The following EYS variants were observed in gnomAD, a reference collection of about 807,000 sequenced individuals.
The protein encoded by EYS is EGF-like photoreceptor maintenance factor, also known as protein eyes shut homolog.
Under a neutral mutation model 282.1 loss-of-function variants are expected in EYS, and 250 were observed. That is an observed-to-expected ratio of 0.89 (90% CI 0.80 to 0.98). The LOEUF (loss-of-function observed/expected upper bound fraction) is 0.98. EYS is among the 50% of genes least tolerant of loss of function. The pLI, the probability that EYS is intolerant of heterozygous loss-of-function variation, is 0.00. For missense variants in EYS, 4,016 were observed against 3,709.0 expected, an observed-to-expected ratio of 1.08 and a Z score of -2.15; for synonymous variants, 1,355 against 1,282.9, an observed-to-expected ratio of 1.06 and a Z score of -1.20.
At chr6:65,238,091 T>C in intron 12 of EYS, among the ~76,000 whole-genome samples, 1 of 151,874 alleles carries the variant, frequency 6.6e-6, no homozygotes, top group African/African-American at 2.4e-5. Context: ...TTACCAAAGT[T>C]TGATTTCAGA....
intron 22 of EYS, among the ~76,000 whole-genome samples, chr6:64,718,794 T>A (rs1179373484): frequency 6.6e-6 from 1 of 152,352 alleles, no homozygotes; most frequent in South Asian, 2.1e-4. Context: ...TGCCATGCAA[T>A]ATCATAGTAC....
chr6:65,264,942 CAA>C (rs1767712374), intron 12 of EYS, among the ~76,000 whole-genome samples: 1 of 151,478 alleles, frequency 6.6e-6, no homozygotes, highest in African/African-American at 2.4e-5. Flanking sequence ...TATTTATAAA[CAA>C]TATTCTATTG....
At chr6:64,112,066 A>G (rs956833248) in intron 31 of EYS, among the ~76,000 whole-genome samples, 2 of 152,014 alleles carry the variant, frequency 1.3e-5, no homozygotes, top group African/African-American at 4.8e-5. Flanking sequence ...CATCCCTTAC[A>G]TTACTTTTCT....
Position 64,839,392 on chromosome 6 carries a change from A to G in EYS, c.2993-16570T>C, listed in dbSNP as rs546656863. 1.1e-4 allele frequency among the ~76,000 whole-genome samples: 16 copies of G among 152,196 alleles called. No individual in the cohort carries two copies. The East Asian group carries it at 2.1e-3, about 20-fold the overall frequency. ...TTACATGGTCTTTCAGATTTTGTGT[A>G]CTGTGACTCTAATACATTTTACTTC... is the stretch of plus-strand genomic sequence containing the variant. On this transcript the variant is annotated intron_variant, in intron 19 of 42. Transcript: ENST00000503581.
At chr6:64,286,809 A>G (rs1300332243) in intron 30 of EYS, among the ~76,000 whole-genome samples, 1 of 152,190 alleles carries the variant, frequency 6.6e-6, no homozygotes, top group Non-Finnish European at 1.5e-5. Flanking sequence ...TAATATTTTC[A>G]TACTTATATA....
intron 2 of EYS, among the ~76,000 whole-genome samples, chr6:65,536,888 G>A (rs1466672743): frequency 6.6e-6 from 1 of 152,000 alleles, no homozygotes; most frequent in Non-Finnish European, 1.5e-5. Context: ...ATCACAATTG[G>A]ACTTTTTTCA....
intron 1 of EYS, among the ~76,000 whole-genome samples, chr6:65,682,841 T>C (rs1768884289): frequency 6.6e-6 from 1 of 151,914 alleles, no homozygotes; most frequent in Non-Finnish European, 1.5e-5. Flanking sequence ...AAAATGGCTT[T>C]AATATGGAGT....
chr6:65,653,159 C>G (rs1582566265), intron 1 of EYS, among the ~76,000 whole-genome samples: 1 of 151,916 alleles, frequency 6.6e-6, no homozygotes, highest in East Asian at 1.9e-4. Flanking sequence ...CCTGTGTTTT[C>G]TATTTCTTCA....
At chr6:65,661,623 AT>A (rs1768004294) in intron 1 of EYS, among the ~76,000 whole-genome samples, 1 of 152,054 alleles carries the variant, frequency 6.6e-6, no homozygotes, top group South Asian at 2.1e-4. Context: ...TATTTCCATG[AT>A]TTAGTTACAG....
chr6:64,591,002 G>T lies in EYS; in HGVS notation c.4865C>A (p.Ala1622Glu), dbSNP rs777505665. 1.3e-6 allele frequency: 2 copies of T among 1,551,314 alleles called. No individual in the cohort carries two copies. Among genetic ancestry groups the T allele is most frequent in the South Asian group, 2.4e-5 (2 of 84,056 alleles). Residue 1622 changes from alanine (A) to glutamate (E), a missense_variant, in exon 26 of 43, where the codon GCA becomes GAA. Coordinates refer to ENST00000503581, the MANE Select transcript of EYS (RefSeq NM_001142800.2). ...SSATEITPSV[A>E]FTEVPSLFPS... ...AAATAAAGATGGCACTTCTGTGAATGCCACTGATGGTGTTATTTCAGTAGC... is the reference window on the plus strand; with the variant it reads ...AAATAAAGATGGCACTTCTGTGAATTCCACTGATGGTGTTATTTCAGTAGC...
intron 13 of EYS, among the ~76,000 whole-genome samples, chr6:65,026,200 C>T (rs1561927879): frequency 6.6e-6 from 1 of 152,222 alleles, no homozygotes; most frequent in East Asian, 1.9e-4. Flanking sequence ...ACTCTATCCA[C>T]TGTTAGTTTC....
At chr6:65,285,080 T>C (rs1000477474) in intron 12 of EYS, among the ~76,000 whole-genome samples, 5 of 151,992 alleles carry the variant, frequency 3.3e-5, no homozygotes, top group African/African-American at 1.2e-4. Context: ...GAATGACATG[T>C]AATGGAAGCT....
intron 12 of EYS, among the ~76,000 whole-genome samples, chr6:65,182,987 C>T (rs1765429476): frequency 1.3e-5 from 2 of 151,736 alleles, no homozygotes; most frequent in Non-Finnish European, 2.9e-5. Flanking sequence ...GACAGGATTT[C>T]CTCATGTTGC....
At chr6:64,686,179 A>C (rs1246112715) in intron 22 of EYS, among the ~76,000 whole-genome samples, 1 of 152,062 alleles carries the variant, frequency 6.6e-6, no homozygotes, top group Non-Finnish European at 1.5e-5. Context: ...TGAGAAAATA[A>C]GAAAAATTTA....
chr6:64,653,442 T>C (rs1255947379), intron 22 of EYS, among the ~76,000 whole-genome samples: 1 of 152,228 alleles, frequency 6.6e-6, no homozygotes, highest in East Asian at 1.9e-4. Flanking sequence ...TTATTGGGAA[T>C]ATATTAGGCG....
chr6:63,842,848 A>G (rs1023287704), intron 36 of EYS, among the ~76,000 whole-genome samples: 2 of 152,198 alleles, frequency 1.3e-5, no homozygotes, highest in African/African-American at 4.8e-5. Flanking sequence ...TCCCAACACC[A>G]TTTATTAAAT....
At chr6:63,785,188 G>A (rs1770331123) in intron 39 of EYS, among the ~76,000 whole-genome samples, 1 of 152,190 alleles carries the variant, frequency 6.6e-6, no homozygotes, top group Non-Finnish European at 1.5e-5. Context: ...AAAGGCATTT[G>A]TGGTGAAGAT....
chr6:64,627,969 A>G (rs1292881882), intron 22 of EYS, among the ~76,000 whole-genome samples: 3 of 152,118 alleles, frequency 2.0e-5, no homozygotes, highest in African/African-American at 7.2e-5. Flanking sequence ...AGTCCCAGCT[A>G]CTCAGGAGGC....
chr6:63,794,951 G>A (rs1293329233), intron 37 of EYS, among the ~76,000 whole-genome samples: 1 of 152,196 alleles, frequency 6.6e-6, no homozygotes, highest in African/African-American at 2.4e-5. Flanking sequence ...AGGACTTAGA[G>A]AGATTATGTT....
Sources: gnomAD v4.1 joint callset for allele counts (sites outside exome capture counted in the v4.1 genomes callset) on GRCh38, gnomAD v4.1.1 for gene constraint, MANE v1.5 for transcripts, NCBI Gene and HGNC (gene_info 2026-07-23, HGNC 2026-07-21) for gene names.